The following AK9 variants were observed in gnomAD, a reference collection of about 807,000 sequenced individuals.
The protein encoded by AK9 is adenylate kinase 9.
AK9 carries 191 observed loss-of-function variants against 239.6 expected under a neutral mutation model. The ratio of observed to expected loss-of-function variants is 0.80; its 90% CI spans 0.71 to 0.90. The LOEUF is 0.90. AK9 is among the 40% of genes least tolerant of loss of function. AK9 has a pLI of 0.00. For missense variants in AK9, 1,995 were observed against 2,214.7 expected (o/e 0.90, Z 1.99); for synonymous variants, 689 against 721.0 (o/e 0.96, Z 0.71).
At chr6:109,670,569 G>C (rs746372017) in intron 5 of AK9, among the ~76,000 whole-genome samples, 1 of 152,090 alleles carries the variant, frequency 6.6e-6, no homozygotes, top group Admixed American at 6.5e-5. Flanking sequence ...AACACCATGA[G>C]AGGCACAACT....
At chr6:109,554,161 CT>C (rs1784683909) in intron 24 of AK9, among the ~76,000 whole-genome samples, 1 of 152,058 alleles carries the variant, frequency 6.6e-6, no homozygotes, top group Non-Finnish European at 1.5e-5. Context: ...CTGAAGCTTT[CT>C]TTTTTTGTTG....
At chr6:109,502,211 C>G (rs960781716) in intron 35 of AK9, among the ~76,000 whole-genome samples, 2 of 152,146 alleles carry the variant, frequency 1.3e-5, no homozygotes, top group Non-Finnish European at 2.9e-5. Context: ...GGGGATGTCA[C>G]TTCCAAGATT....
At chr6:109,676,318 C>CT (rs2128342405) in intron 1 of AK9, among the ~76,000 whole-genome samples, 2 of 151,970 alleles carry the variant, frequency 1.3e-5, no homozygotes, top group East Asian at 3.9e-4. Flanking sequence ...TTGATTTGCT[C>CT]TTAAGCGGAT....
chr6:109,608,784 C>T (rs564881334), intron 17 of AK9, among the ~76,000 whole-genome samples: 10 of 151,860 alleles, frequency 6.6e-5, no homozygotes, highest in Admixed American at 5.2e-4. Flanking sequence ...AAGATAATTG[C>T]AAAATATTCA....
chr6:109,653,172 C>T (rs1799211429), intron 8 of AK9, among the ~76,000 whole-genome samples: 3 of 152,184 alleles, frequency 2.0e-5, no homozygotes, highest in Admixed American at 2.0e-4. Flanking sequence ...GGTGATCCAC[C>T]CGTCTCCGCC....
intron 26 of AK9, 147 bp from the exon 27 acceptor site, chr6:109,542,318 G>T: frequency 1.4e-6 from 1 of 707,382 alleles, no homozygotes; most frequent in Non-Finnish European, 2.3e-6. Flanking sequence ...AAGGGTGTGT[G>T]GTAGGGATAG....
At chr6:109,669,229 C>T (rs1801713165) in intron 5 of AK9, among the ~76,000 whole-genome samples, 1 of 152,016 alleles carries the variant, frequency 6.6e-6, no homozygotes, top group Non-Finnish European at 1.5e-5. Flanking sequence ...GATTTTTGCA[C>T]ATTGATTTTG....
rs980470163 is a variant in AK9, at chr6:109,647,231, A to C, written c.760-2543T>G. ...TCATAATGACAGGATCAAATTCACA[A>C]ATAACAATATTAACTTTAAATGTAA... On this transcript the variant is annotated intron_variant, in intron 8 of 40. Transcript: ENST00000424296. 4.5e-4 allele frequency among the ~76,000 whole-genome samples: 68 copies of C among 152,288 alleles called. 1 individual carries two copies. The highest frequency in any genetic ancestry group is 2.0e-3 in the Admixed American group (30 of 15,290).
At chr6:109,502,223 G>C (rs1157498915) in intron 35 of AK9, among the ~76,000 whole-genome samples, 1 of 152,152 alleles carries the variant, frequency 6.6e-6, no homozygotes, top group Non-Finnish European at 1.5e-5. Flanking sequence ...TCCAAGATTA[G>C]TTTACCATTA....
At chr6:109,642,093 A>G (rs1237030278) in intron 9 of AK9, among the ~76,000 whole-genome samples, 3 of 152,192 alleles carry the variant, frequency 2.0e-5, no homozygotes, top group Non-Finnish European at 4.4e-5. Flanking sequence ...AAGTCAAGAA[A>G]TGCCGGGAGC....
intron 17 of AK9, among the ~76,000 whole-genome samples, chr6:109,596,301 G>T (rs1236089925): frequency 6.6e-6 from 1 of 152,206 alleles, no homozygotes; most frequent in Non-Finnish European, 1.5e-5. Context: ...TCCAATGGCA[G>T]GCACCAGCAC....
intron 15 of AK9, among the ~76,000 whole-genome samples, chr6:109,613,279 A>G (rs1169321449): frequency 6.6e-6 from 1 of 151,926 alleles, no homozygotes; most frequent in Non-Finnish European, 1.5e-5. Flanking sequence ...TATATGAAAA[A>G]TAAGAGACTA....
intron 7 of AK9, 118 bp downstream of exon 7, chr6:109,659,110 T>C: frequency 1.5e-6 from 2 of 1,298,494 alleles, no homozygotes; most frequent in South Asian, 2.0e-5. Context: ...CCAAACTCAA[T>C]AAAGATGTAA....
chr6:109,498,616 A>T (rs1777302997), intron 36 of AK9, among the ~76,000 whole-genome samples: 1 of 152,248 alleles, frequency 6.6e-6, no homozygotes, highest in South Asian at 2.1e-4. Flanking sequence ...AAGGTATACA[A>T]AGAGTTCTAG....
At chr6:109,613,346 C>T (rs1438765012) in intron 15 of AK9, among the ~76,000 whole-genome samples, 1 of 151,368 alleles carries the variant, frequency 6.6e-6, no homozygotes, top group African/African-American at 2.4e-5. Context: ...GAAAAACGGG[C>T]AAAAGACAAA....
chr6:109,619,182 A>G lies in AK9; in HGVS notation c.1309T>C (p.Leu437=), dbSNP rs1474332579. ...QPRFDKARET[L]VENTIAEATA... ...GCCTCAGCTATGGTATTTTCTACTA[A>G]TGTTTCACGGGCTTTATCAAAACGT... The change falls in exon 13 of 41, where the codon TTA becomes CTA. Residue 437 remains leucine (L), a synonymous_variant. Transcript: ENST00000424296. 2.6e-6 allele frequency: 4 copies of G among 1,550,496 alleles called. No homozygotes were observed. Among genetic ancestry groups the G allele is most frequent in the Admixed American group, 3.9e-5 (2 of 50,860 alleles).
intron 19 of AK9, among the ~76,000 whole-genome samples, chr6:109,581,464 T>C (rs1396477814): frequency 6.6e-6 from 1 of 152,158 alleles, no homozygotes; most frequent in African/African-American, 2.4e-5. Context: ...TTACTATTGA[T>C]ATGGAGAAAG....
At chr6:109,688,084 G>C (rs1773773731) in intron 1 of AK9, among the ~76,000 whole-genome samples, 1 of 152,158 alleles carries the variant, frequency 6.6e-6, no homozygotes, top group Admixed American at 6.5e-5. Context: ...CCTTTCACCA[G>C]GCTGGTTTAG....
chr6:109,555,360 A>C (rs1370670159), intron 24 of AK9, among the ~76,000 whole-genome samples: 1 of 152,168 alleles, frequency 6.6e-6, no homozygotes, highest in Non-Finnish European at 1.5e-5. Flanking sequence ...ATTTGCTTGC[A>C]CTGTGATCTG....
Sources: allele counts gnomAD v4.1 joint callset (sites outside exome capture counted in the v4.1 genomes callset), GRCh38; gene constraint gnomAD v4.1.1; transcripts MANE v1.5; gene names NCBI Gene and HGNC (gene_info 2026-07-23, HGNC 2026-07-21).